Variants in TEAD2 observed in about 807,000 individuals in gnomAD.
TEAD2 encodes the protein TEA domain transcription factor 2, also known as transcriptional enhancer factor TEF-4.
In TEAD2, 51 loss-of-function variants were observed where a neutral mutation model predicts 61.4. The observed-to-expected ratio is 0.83, with a 90% CI of 0.66 to 1.05. The LOEUF is 1.05. Among genes scored for constraint, TEAD2 ranks in the 50% least tolerant of loss-of-function variants. The pLI is 0.00. For synonymous variants in TEAD2, 244 were observed against 243.2 expected (o/e 1.00, Z -0.03); for missense variants, 509 against 600.0 (o/e 0.85, Z 1.58).
rs563690631 is a variant in TEAD2 at position 49,342,861 on chromosome 19, G to T, written c.1090-271C>A. ...GACTCCTCTAACCTCCCAGCCCTCAGATACCCTCCAAAGACCCCTCCATGA... is the reference window on the plus strand; with the variant it reads ...GACTCCTCTAACCTCCCAGCCCTCATATACCCTCCAAAGACCCCTCCATGA... On this transcript the variant is annotated intron_variant, in intron 11 of 12. Transcript: ENST00000593945. 2.0e-5 allele frequency among the ~76,000 whole-genome samples: 3 copies of T among 152,094 alleles called. No individual in the cohort carries two copies. In the South Asian group the frequency reaches 6.3e-4, roughly 32 times the overall value.
At chr19:49,342,933 A>G (rs1971394230) in intron 11 of TEAD2, among the ~76,000 whole-genome samples, 1 of 152,128 alleles carries the variant, frequency 6.6e-6, no homozygotes, top group Non-Finnish European at 1.5e-5. Context: ...CCAAGTCTCC[A>G]GCAACTGTAA....
chr19:49,357,160 CT>C (rs1470301914), intron 4 of TEAD2, 91 bp downstream of exon 4: 16 of 1,330,592 alleles, frequency 1.2e-5, no homozygotes, highest in Admixed American at 3.7e-5. Context: ...CTCTGTCCCC[CT>C]CTCCCTGGGT....
chr19:49,344,082 A>G (rs1971482170), intron 10 of TEAD2, among the ~76,000 whole-genome samples: 1 of 152,004 alleles, frequency 6.6e-6, no homozygotes, highest in Admixed American at 6.6e-5. Flanking sequence ...CCTGGGCTCA[A>G]GCGATCCTCC....
At chr19:49,344,290 C>CT (rs1012332596) in intron 10 of TEAD2, among the ~76,000 whole-genome samples, 133 of 145,952 alleles carry the variant, frequency 9.1e-4, no homozygotes, top group Non-Finnish European at 9.4e-4. Flanking sequence ...TTTTTCTTTT[C>CT]TTTTTTTTTT....
intron 3 of TEAD2, among the ~76,000 whole-genome samples, chr19:49,358,620 T>TTTTC (rs1183065344): frequency 1.1e-4 from 17 of 151,546 alleles, no homozygotes; most frequent in Admixed American, 4.6e-4. Flanking sequence ...AATAAAGCTC[T>TTTTC]TTTCTTTCTT....
intron 3 of TEAD2, chr19:49,357,519 C>T: frequency 1.7e-6 from 1 of 605,098 alleles, no homozygotes; most frequent in Non-Finnish European, 3.0e-6. Context: ...CGGGACCCAT[C>T]CCATCCAGGC....
chr19:49,355,106 A>C, intron 7 of TEAD2, 42 bp downstream of exon 7: 1 of 1,546,924 alleles, frequency 6.5e-7, no homozygotes, highest in African/African-American at 1.4e-5. Context: ...TGGGAGTGTG[A>C]GGGTGGGGGG....
intron 8 of TEAD2, among the ~76,000 whole-genome samples, 186 bp downstream of exon 8, chr19:49,351,115 G>A (rs1171009233): frequency 6.6e-6 from 1 of 152,186 alleles, no homozygotes; most frequent in Admixed American, 6.5e-5. Flanking sequence ...GGAGGCGGAG[G>A]TTGCAGTGAG....
At position 49,362,388 on chromosome 19, in the gene TEAD2, T is replaced by G. The variant is rs1973019137; in HGVS notation, c.-62A>C. Reference sequence around the variant, plus strand: ...GCCTTCCTACCTCCCGGCCTGGGGCTGGGGAGCCGCGGGCGGGCGGGGCGC... The same window carrying G: ...GCCTTCCTACCTCCCGGCCTGGGGCGGGGGAGCCGCGGGCGGGCGGGGCGC... On this transcript the variant is annotated 5_prime_UTR_variant, in exon 1 of 13. Coordinates refer to ENST00000593945, the MANE Select transcript of TEAD2 (RefSeq NM_001256660.2). 6.7e-6 allele frequency: 1 copy of G among 149,216 alleles called. No individual in the cohort carries two copies. The highest frequency in any genetic ancestry group is 1.5e-5 in the Non-Finnish European group (1 of 67,318). 9.2% of individuals were successfully genotyped at this position (149,216 alleles called of 1,614,324 possible).
intron 1 of TEAD2, 45 bp from the exon 2 acceptor site, chr19:49,360,126 T>A (rs1972733772): frequency 6.7e-7 from 1 of 1,493,184 alleles, no homozygotes; most frequent in South Asian, 1.2e-5. Flanking sequence ...AACCCCACCC[T>A]CAAGGGACTT....
At chr19:49,356,849 C>T (rs1007859347) in intron 4 of TEAD2, among the ~76,000 whole-genome samples, 1 of 152,200 alleles carries the variant, frequency 6.6e-6, no homozygotes, top group East Asian at 1.9e-4. Flanking sequence ...ATGCATCTCC[C>T]TTTGTGGGCC....
At position 49,342,427 on chromosome 19, in the gene TEAD2, C is replaced by G. The variant is rs1465383339; in HGVS notation, c.1242+11G>C. 1 of 1,611,576 alleles carries G rather than the reference C, an allele frequency of 6.2e-7. No individual in the cohort carries two copies. The highest frequency in any genetic ancestry group is 1.7e-5 in the Admixed American group (1 of 59,978). On this transcript the variant is annotated intron_variant, in intron 12 of 12. Transcript: ENST00000593945. Reference sequence around the variant, plus strand: ...TGGGGGGCCCCACTCCAGCCCAGCCCCAGGCATCACCTGGAGGATGGTGAA... The same window carrying G: ...TGGGGGGCCCCACTCCAGCCCAGCCGCAGGCATCACCTGGAGGATGGTGAA...
chr19:49,353,614 G>A (rs372620067), intron 7 of TEAD2, among the ~76,000 whole-genome samples: 1 of 151,954 alleles, frequency 6.6e-6, no homozygotes, highest in Non-Finnish European at 1.5e-5. Context: ...AAACCCCAGC[G>A]TCAGGGCAGT....
At position 49,341,368 on chromosome 19, in the gene TEAD2, C is replaced by T. The variant is rs556204126; in HGVS notation, c.1312G>A (p.Glu438Lys). The T allele has an allele frequency of 1.7e-5, 27 of 1,614,020 alleles. No individual in the cohort carries two copies. The South Asian group carries it at 2.9e-4, about 17-fold the overall frequency. The change falls in exon 13 of 13, where the codon GAG becomes AAG. Residue 438 changes from glutamate to lysine, a missense_variant. Glu to Lys is a moderately conservative substitution (Grantham distance 56). Coordinates refer to ENST00000593945, the MANE Select transcript of TEAD2 (RefSeq NM_001256660.2). The surrounding 1 kb of genome is among the most constrained non-coding windows in gnomAD (Gnocchi z 4.2). ...TAAATGTGATGCTGGGCCCCACGCT[C>T]GCTGGTGGAGACCTCGAAGACATAG... ...TAYVFEVSTS[E>K]RGAQHHIYRL...
intron 7 of TEAD2, among the ~76,000 whole-genome samples, chr19:49,352,673 A>G (rs1002267338): frequency 1.3e-4 from 20 of 152,166 alleles, no homozygotes; most frequent in African/African-American, 4.1e-4. Flanking sequence ...AGTAGCTAGG[A>G]TTATTACAGG....
At position 49,359,859 on chromosome 19, in the gene TEAD2, C is replaced by T. The variant is rs748951345; in HGVS notation, c.217G>A (p.Glu73Lys). ...CGRRKIILSD[E>K]GKMYGRNELI... ...GTAGACTCACCATACATCTTGCCTT[C>T]ATCAGACAAAATTATTTTCCGGCGG... The change falls in exon 2 of 13, where the codon GAA becomes AAA. Residue 73 changes from glutamate (E) to lysine (K), a missense_variant. Physicochemically the swap from Glu to Lys is moderately conservative, Grantham distance 56 (BLOSUM62 1). Transcript: ENST00000593945. The surrounding 1 kb of genome is among the most constrained non-coding windows in gnomAD (Gnocchi z 4.1). 3.1e-6 allele frequency: 5 copies of T among 1,613,730 alleles called. No individual in the cohort carries two copies. Among genetic ancestry groups the T allele is most frequent in the Non-Finnish European group, 4.2e-6 (5 of 1,180,022 alleles).
At chr19:49,346,186 CAAT>C (rs1971627360) in intron 10 of TEAD2, among the ~76,000 whole-genome samples, 1 of 82,668 alleles carries the variant, frequency 1.2e-5, no homozygotes, top group Admixed American at 1.1e-4. Flanking sequence ...AAAAAAAAAA[CAAT>C]AAAAGAAAAT....
Position 49,355,151 on chromosome 19 carries a change from G to T in TEAD2, c.536C>A (p.Pro179Gln). The T allele has an allele frequency of 6.2e-7, 1 of 1,608,264 alleles. No homozygotes were observed. Among genetic ancestry groups the T allele is most frequent in the East Asian group, 2.2e-5 (1 of 44,686 alleles). ...SGGSGPPWNV[P>Q]DVKPFSQTPF... ...AGCCAGGACACATAGTACTCACTCT[G>T]GAACATTCCAGGGGGGCCCAGATCC... The change falls in exon 7 of 13, where the codon CCA becomes CAA. Residue 179 changes from proline (P) to glutamine (Q), a missense_variant. Coordinates refer to ENST00000593945, the MANE Select transcript of TEAD2 (RefSeq NM_001256660.2).
Position 49,359,360 on chromosome 19 carries a change from G to C in TEAD2, c.297+75C>G, listed in dbSNP as rs1972645049. 2 of 1,420,228 alleles carry C rather than the reference G, an allele frequency of 1.4e-6. No individual in the cohort carries two copies. Among genetic ancestry groups the C allele is most frequent in the African/African-American group, 1.4e-5 (1 of 70,808 alleles). The allele number at this position is 1,420,228 out of a possible 1,614,324, so 88.0% of individuals were successfully genotyped here. On this transcript the variant is annotated intron_variant, in intron 3 of 12. Coordinates refer to ENST00000593945, the MANE Select transcript of TEAD2 (RefSeq NM_001256660.2). This position sits in a 1 kb window ranked among gnomAD's most constrained non-coding sequence, Gnocchi z 4.1. Reference sequence around the variant, plus strand: ...AGGAAGCAGCTTCTTCCTTGAACCTGAACCTGCCCATGCGAGGATGACCCT... The same window carrying C: ...AGGAAGCAGCTTCTTCCTTGAACCTCAACCTGCCCATGCGAGGATGACCCT...
Sources: allele counts gnomAD v4.1 joint callset (sites outside exome capture counted in the v4.1 genomes callset), GRCh38; gene constraint gnomAD v4.1.1; non-coding constraint Gnocchi (gnomAD v3.1); transcripts MANE v1.5; gene names NCBI Gene and HGNC (gene_info 2026-07-23, HGNC 2026-07-21).